The following ITSN1 variants were observed in gnomAD, a reference collection of about 807,000 sequenced individuals.
The protein encoded by ITSN1 is intersectin 1, also known as intersectin-1.
In ITSN1, 58 loss-of-function variants were observed where a neutral mutation model predicts 239.8. That is an observed-to-expected ratio of 0.24 (90% CI 0.20 to 0.30). ITSN1 has a LOEUF of 0.30. Ranked by LOEUF, ITSN1 falls within the 10% of genes least tolerant of loss-of-function variation. The pLI is 1.00. For synonymous variants in ITSN1, 780 were observed against 770.8 expected, an observed-to-expected ratio of 1.01 and a Z score of -0.20; for missense variants, 1,558 against 2,103.3, an observed-to-expected ratio of 0.74 and a Z score of 5.07.
rs1985564375 is a variant in ITSN1 at position 33,885,123 on chromosome 21, G to A, written c.4759G>A (p.Val1587Ile). 6.2e-7 allele frequency: 1 copy of A among 1,612,976 alleles called. No homozygotes were observed. Residue 1587 changes from valine to isoleucine, a missense_variant and splice_region_variant, in exon 37 of 40, where the codon GTC (valine) becomes ATC (isoleucine). By Grantham distance (29) the Val-to-Ile change is conservative (BLOSUM62 3). Coordinates refer to ENST00000381318, the MANE Select transcript of ITSN1 (RefSeq NM_003024.3). ...EKKKREKAYL[V>I]RSQRATGIGR... ...AAAGAAGCGCGAGAAAGCGTACCTG[G>A]GTAATGCATGGCCCCGCGGGGTGTC...
At chr21:33,833,941 C>T (rs1055817017) in intron 27 of ITSN1, among the ~76,000 whole-genome samples, 8 of 149,564 alleles carry the variant, frequency 5.3e-5, no homozygotes, top group Admixed American at 2.7e-4. Context: ...ATTATTATTC[C>T]TAAAACCCAT....
At chr21:33,681,530 C>A (rs1441300885) in intron 1 of ITSN1, among the ~76,000 whole-genome samples, 4 of 151,618 alleles carry the variant, frequency 2.6e-5, no homozygotes. Flanking sequence ...GCCTGGGCGA[C>A]AGAGTGAGAC....
At chr21:33,884,209 A>ATTG (rs375803637) in intron 36 of ITSN1, among the ~76,000 whole-genome samples, 1,986 of 151,906 alleles carry the variant, frequency 0.013, 54 homozygotes, top group African/African-American at 0.045. Flanking sequence ...TGCACCTGGC[A>ATTG]TTGTTGTTGT....
intron 26 of ITSN1, among the ~76,000 whole-genome samples, chr21:33,828,447 C>T (rs1039089163): frequency 3.3e-5 from 5 of 152,218 alleles, no homozygotes. Context: ...GCACCATGAC[C>T]GCCAGGTGCT....
chr21:33,731,233 T>G (rs2066165480), intron 4 of ITSN1, among the ~76,000 whole-genome samples: 1 of 152,148 alleles, frequency 6.6e-6, no homozygotes, highest in African/African-American at 2.4e-5. Flanking sequence ...ACCTAAAGTC[T>G]TCTCCCCTAA....
chr21:33,846,437 G>C (rs77408238), intron 29 of ITSN1, among the ~76,000 whole-genome samples: 2,273 of 152,328 alleles, frequency 0.015, 57 homozygotes, highest in African/African-American at 0.053. Flanking sequence ...CTTGGAGGCA[G>C]GGCCCAAATC....
At chr21:33,829,834 A>G in intron 27 of ITSN1, 89 bp downstream of exon 27, 1 of 1,469,744 alleles carries the variant, frequency 6.8e-7, no homozygotes, top group Non-Finnish European at 9.3e-7. Flanking sequence ...GTAAAGTACA[A>G]ACCACCCCTC....
intron 21 of ITSN1, among the ~76,000 whole-genome samples, chr21:33,812,185 T>C (rs1272191278): frequency 6.6e-6 from 1 of 152,242 alleles, no homozygotes; most frequent in Non-Finnish European, 1.5e-5. Context: ...GACTTCCAAG[T>C]TGAAACTTTT....
intron 4 of ITSN1, among the ~76,000 whole-genome samples, chr21:33,729,990 A>G (rs960667793): frequency 7.2e-5 from 11 of 152,178 alleles, no homozygotes; most frequent in Non-Finnish European, 1.2e-4. Flanking sequence ...TAAACAGAGG[A>G]CATATAAAGT....
chr21:33,696,067 A>G (rs1476214749), intron 1 of ITSN1, among the ~76,000 whole-genome samples: 1 of 152,204 alleles, frequency 6.6e-6, no homozygotes, highest in East Asian at 1.9e-4. Flanking sequence ...AATCTTGTGC[A>G]TAGAAGTCCC....
intron 11 of ITSN1, among the ~76,000 whole-genome samples, chr21:33,768,056 G>A (rs937822406): frequency 6.6e-6 from 1 of 152,156 alleles, no homozygotes; most frequent in African/African-American, 2.4e-5. Flanking sequence ...GTTCTAACTT[G>A]TAACTTGAAA....
Position 33,797,402 on chromosome 21 carries a change from A to T in ITSN1, c.1976A>T (p.Gln659Leu), listed in dbSNP as rs2071646735. Residue 659 changes from glutamine to leucine, a missense_variant, in exon 18 of 40, where the codon CAG becomes CTG. Physicochemically the swap from Gln to Leu is moderately radical, Grantham distance 113. Coordinates refer to ENST00000381318, the MANE Select transcript of ITSN1 (RefSeq NM_003024.3). This position sits in a 1 kb window ranked among gnomAD's most constrained non-coding sequence, Gnocchi z 4.9. ...AQRRAQERDK[Q>L]WLEHVQQEDE... The stretch of plus-strand genomic sequence containing the variant: ...AGACGAGCTCAGGAAAGGGACAAGC[A>T]GTGGCTGGAGCATGTGCAGCAGGAG... 1.2e-6 allele frequency: 2 copies of T among 1,613,998 alleles called. No homozygotes were observed.
chr21:33,733,795 A>G lies in ITSN1; in HGVS notation c.186-1249A>G, dbSNP rs1187953009. Among the ~76,000 whole-genome samples, 5 of 152,118 alleles carry G rather than the reference A, an allele frequency of 3.3e-5. No homozygotes were observed. The East Asian group carries it at 7.7e-4, about 23-fold the overall frequency. On this transcript the variant is annotated intron_variant, in intron 4 of 39. Transcript: ENST00000381318. Reference sequence around the variant, plus strand: ...GCCCATGACTACAGGAGAATGGGGAACTCCTATCTGAGGCAAAAAGGTTTC... The same window carrying G: ...GCCCATGACTACAGGAGAATGGGGAGCTCCTATCTGAGGCAAAAAGGTTTC...
At chr21:33,682,602 C>T (rs1190526549) in intron 1 of ITSN1, among the ~76,000 whole-genome samples, 1 of 152,154 alleles carries the variant, frequency 6.6e-6, no homozygotes, top group Non-Finnish European at 1.5e-5. Context: ...CATCTTGGCT[C>T]ACTGTAACCT....
intron 20 of ITSN1, among the ~76,000 whole-genome samples, chr21:33,806,640 A>G (rs2072476093): frequency 1.3e-5 from 2 of 152,244 alleles, no homozygotes; most frequent in South Asian, 2.1e-4. Context: ...GCTCTGTAAC[A>G]TAGTCCCAGA....
intron 31 of ITSN1, 76 bp downstream of exon 31, chr21:33,858,868 T>C (rs1254086666): frequency 1.3e-6 from 1 of 768,102 alleles, no homozygotes; most frequent in African/African-American, 1.8e-5. Flanking sequence ...TGGGTCTGTG[T>C]GTCCTTCTTG....
At position 33,890,014 on chromosome 21, in the gene ITSN1, C is replaced by T. The variant is rs1986252902; in HGVS notation, c.*1714C>T. ...ATTTTTTGAAACAAGCAAATATACC[C>T]TGTAGTTAGAAACTTTCAACTGAAC... On this transcript the variant is annotated 3_prime_UTR_variant, in exon 40 of 40. Transcript: ENST00000381318. 6.6e-6 allele frequency: 1 copy of T among 152,178 alleles called. No homozygotes were observed. Among genetic ancestry groups the T allele is most frequent in the Non-Finnish European group, 1.5e-5 (1 of 68,020 alleles). 9.4% of individuals were successfully genotyped at this position (152,178 alleles called of 1,614,324 possible).
intron 18 of ITSN1, 69 bp from the exon 19 acceptor site, chr21:33,799,739 C>T: frequency 6.4e-7 from 1 of 1,551,170 alleles, no homozygotes; most frequent in South Asian, 1.2e-5. Flanking sequence ...AGTTGTTTGG[C>T]TTGTTGTCAT....
intron 33 of ITSN1, among the ~76,000 whole-genome samples, chr21:33,867,751 A>C (rs1167495534): frequency 6.6e-6 from 1 of 151,934 alleles, no homozygotes; most frequent in African/African-American, 2.4e-5. Context: ...TACAGCTCTT[A>C]AGGTGGCGCG....
Sources: allele counts gnomAD v4.1 joint callset (sites outside exome capture counted in the v4.1 genomes callset), GRCh38; gene constraint gnomAD v4.1.1; non-coding constraint Gnocchi (gnomAD v3.1); transcripts MANE v1.5; gene names NCBI Gene and HGNC (gene_info 2026-07-23, HGNC 2026-07-21).